The following MEGF6 variants were observed in gnomAD, a reference collection of about 807,000 sequenced individuals.
MEGF6 encodes multiple EGF like domains 6.
MEGF6 carries 184 observed loss-of-function variants against 207.1 expected under a neutral mutation model. The ratio of observed to expected loss-of-function variants is 0.89; its 90% confidence interval spans 0.79 to 1.00. The LOEUF (loss-of-function observed/expected upper bound fraction) is 1.00. Among genes scored for constraint, MEGF6 ranks in the 50% least tolerant of loss-of-function variants. The pLI is 0.00. For missense variants in MEGF6, 2,282 were observed against 2,202.9 expected, an observed-to-expected ratio of 1.04 and a Z score of -0.72; for synonymous variants, 1,038 against 910.0, an observed-to-expected ratio of 1.14 and a Z score of -2.53.
Position 3,540,062 on chromosome 1 carries a change from G to T in MEGF6, c.482-15816C>A, listed in dbSNP as rs1290838666. On this transcript the variant is annotated intron_variant, in intron 4 of 36. Coordinates refer to ENST00000356575, the MANE Select transcript of MEGF6 (RefSeq NM_001409.4). The stretch of plus-strand genomic sequence containing the variant: ...GGAGCACGGCCACAGATGCCTGCAG[G>T]CTGCCCAGCTCGGGGTGTCCTCCAG... Among the ~76,000 whole-genome samples the T allele has an allele frequency of 2.0e-5, 3 of 152,180 alleles. No homozygotes were observed. In the South Asian group the frequency reaches 6.2e-4, roughly 31 times the overall value.
chr1:3,563,826 C>T (rs72853585), intron 4 of MEGF6, among the ~76,000 whole-genome samples: 110 of 152,250 alleles, frequency 7.2e-4, no homozygotes, highest in African/African-American at 1.7e-3. Flanking sequence ...GTGTGGGAGG[C>T]GCAGGCCCTG....
At chr1:3,490,717 GCCCA>G in intron 36 of MEGF6, 128 bp from the exon 37 acceptor site, 1 of 1,140,846 alleles carries the variant, frequency 8.8e-7, no homozygotes, top group Non-Finnish European at 1.3e-6. Context: ...GGTGGGTGGG[GCCCA>G]CCCATCCTTC....
At chr1:3,572,423 AGGTGTGCTGGGTCCTCCTGGGTG>A (rs1643529063) in intron 4 of MEGF6, among the ~76,000 whole-genome samples, 2 of 57,404 alleles carry the variant, frequency 3.5e-5, no homozygotes, top group African/African-American at 1.9e-4. Flanking sequence ...GGGTTCTCTC[AGGTGTGCTGGGTCCTCCTGGGTG>A]TGCTGGGTCC....
At position 3,576,033 on chromosome 1, in the gene MEGF6, G is replaced by A. The variant is rs565475004; in HGVS notation, c.481+3792C>T. On this transcript the variant is annotated intron_variant, in intron 4 of 36. Transcript: ENST00000356575. Reference sequence around the variant, plus strand: ...AAGGGGGACTGGGGTCCAAGAGGTGGAGTAGGTTACCCCGGTCACACAGGC... The same window carrying A: ...AAGGGGGACTGGGGTCCAAGAGGTGAAGTAGGTTACCCCGGTCACACAGGC... Among the ~76,000 whole-genome samples the A allele has an allele frequency of 6.6e-5, 10 of 152,370 alleles. No homozygotes were observed. The East Asian group carries it at 7.7e-4, about 12-fold the overall frequency.
At chr1:3,586,618 C>G (rs1185673460) in intron 3 of MEGF6, among the ~76,000 whole-genome samples, 1 of 152,152 alleles carries the variant, frequency 6.6e-6, no homozygotes, top group Non-Finnish European at 1.5e-5. Flanking sequence ...AGCCCAGAGC[C>G]TGGGGGGCCA....
rs558586148 is a variant in MEGF6 at position 3,581,278 on chromosome 1, T to C, written c.377-1349A>G. On this transcript the variant is annotated intron_variant, in intron 3 of 36. Coordinates refer to ENST00000356575, the MANE Select transcript of MEGF6 (RefSeq NM_001409.4). ...GCTTCTTCCTCCCACCCTCCTGCAA[T>C]CACAGCCACTACCATTGCCCCAGGC... Among the ~76,000 whole-genome samples, 3 of 152,114 alleles carry C rather than the reference T, an allele frequency of 2.0e-5. No individual in the cohort carries two copies. The East Asian group carries it at 5.8e-4, about 30-fold the overall frequency.
At chr1:3,490,643 A>C in intron 36 of MEGF6, 54 bp from the exon 37 acceptor site, 1 of 1,585,226 alleles carries the variant, frequency 6.3e-7, no homozygotes, top group South Asian at 1.1e-5. Flanking sequence ...TGCTCCCAGA[A>C]CAGACTGGGT....
intron 2 of MEGF6, 62 bp from the exon 3 acceptor site, chr1:3,595,509 C>G (rs1644049592): frequency 2.2e-6 from 3 of 1,393,576 alleles, no homozygotes; most frequent in Non-Finnish European, 3.0e-6. Flanking sequence ...TCGGCTCTCA[C>G]TGCACCCCTG....
chr1:3,611,390 C>G lies in MEGF6; in HGVS notation c.-122G>C, dbSNP rs888132064. 8 of 1,278,972 alleles carry G rather than the reference C, an allele frequency of 6.3e-6. No homozygotes were observed. The highest frequency in any genetic ancestry group is 6.0e-6 in the Non-Finnish European group (6 of 999,430). The allele number at this position is 1,278,972 out of a possible 1,614,324, so 79.2% of individuals were successfully genotyped here. A position where few individuals can be genotyped will look rare whatever the true frequency, so the allele number is the denominator to read the frequency against. ...AGGTGCCCGCGCCCGCTCCGCGGAGCCCAAGGTCGCTGCAGGTGCGGAGCG... is the reference window on the plus strand; with the variant it reads ...AGGTGCCCGCGCCCGCTCCGCGGAGGCCAAGGTCGCTGCAGGTGCGGAGCG... On this transcript the variant is annotated 5_prime_UTR_variant, in exon 1 of 37. Transcript: ENST00000356575.
the MEGF6 span, among the ~76,000 whole-genome samples, chr1:3,618,745 C>G: frequency 6.6e-6 from 1 of 152,192 alleles, no homozygotes; most frequent in Non-Finnish European, 1.5e-5. This position sits in a 1 kb window ranked among gnomAD's most constrained non-coding sequence, Gnocchi z 4.7. Flanking sequence ...CGTACACAGC[C>G]CTGGGACCCG....
intron 4 of MEGF6, among the ~76,000 whole-genome samples, chr1:3,540,268 C>A (rs1642472691): frequency 6.6e-6 from 1 of 152,240 alleles, no homozygotes; most frequent in South Asian, 2.1e-4. Flanking sequence ...ACTCGCAGCG[C>A]CTCGGACGGA....
At position 3,488,975 on chromosome 1, in the gene MEGF6, A is replaced by G. The variant is rs1640246341; in HGVS notation, c.*1553T>C. ...CTCCCTTACCCATTTCCATTCATCT[A>G]TCTCTGTACGTTGTCTCTCTTTACG... On this transcript the variant is annotated 3_prime_UTR_variant, in exon 37 of 37. Coordinates refer to ENST00000356575, the MANE Select transcript of MEGF6 (RefSeq NM_001409.4). Among the ~76,000 whole-genome samples, 1 of 152,162 alleles carries G rather than the reference A, an allele frequency of 6.6e-6. No homozygotes were observed. Among genetic ancestry groups the G allele is most frequent in the Admixed American group, 6.5e-5 (1 of 15,282 alleles).
chr1:3,506,126 C>T lies in MEGF6; in HGVS notation c.1900G>A (p.Gly634Ser), dbSNP rs746964214. The T allele has an allele frequency of 5.0e-6, 8 of 1,596,014 alleles. No individual in the cohort carries two copies. The highest frequency in any genetic ancestry group is 2.7e-5 in the African/African-American group (2 of 74,818). ...GACTCACTGAGGTGGCAGAAGCGGC[C>T]GTAGAGCCCTGGGTCGCAGAGGCAG... ...GACLCDPGLY[G>S]RFCHLTCPPW... Residue 634 changes from glycine to serine, a missense_variant, in exon 15 of 37, where the codon GGC becomes AGC. Transcript: ENST00000356575.
intron 4 of MEGF6, among the ~76,000 whole-genome samples, chr1:3,548,106 G>T (rs1477546142): frequency 6.6e-6 from 1 of 152,210 alleles, no homozygotes; most frequent in Non-Finnish European, 1.5e-5. Flanking sequence ...CTGGAGGCAG[G>T]CTCAGAGCCA....
intron 3 of MEGF6, among the ~76,000 whole-genome samples, chr1:3,590,352 C>T (rs1643956182): frequency 6.6e-6 from 1 of 151,872 alleles, no homozygotes; most frequent in Non-Finnish European, 1.5e-5. Flanking sequence ...TGGCACCGGA[C>T]CAGGATAAAA....
At chr1:3,492,192 C>T (rs571623730) in intron 35 of MEGF6, among the ~76,000 whole-genome samples, 18 of 152,256 alleles carry the variant, frequency 1.2e-4, no homozygotes, top group Middle Eastern at 3.4e-3. Context: ...CCCTGCTGTA[C>T]GCACTGTTGC....
chr1:3,608,451 G>C (rs1187793755), intron 1 of MEGF6, among the ~76,000 whole-genome samples: 1 of 152,050 alleles, frequency 6.6e-6, no homozygotes, highest in Non-Finnish European at 1.5e-5. Context: ...CTCACGAATG[G>C]GGCCCTTGGA....
intron 1 of MEGF6, among the ~76,000 whole-genome samples, chr1:3,608,989 C>G (rs368919870): frequency 9.8e-5 from 15 of 152,358 alleles, no homozygotes; most frequent in African/African-American, 3.6e-4. Flanking sequence ...GCCCCGGCTT[C>G]TAGCATTAAC....
At chr1:3,528,372 C>A (rs772175552) in intron 4 of MEGF6, among the ~76,000 whole-genome samples, 3 of 152,348 alleles carry the variant, frequency 2.0e-5, no homozygotes, top group Middle Eastern at 3.4e-3. Context: ...AAGGACCCCG[C>A]AGGTGCTGAG....
Sources: gnomAD v4.1 joint callset for allele counts (sites outside exome capture counted in the v4.1 genomes callset) on GRCh38, gnomAD v4.1.1 for gene constraint, Gnocchi (gnomAD v3.1) non-coding constraint, MANE v1.5 for transcripts, NCBI Gene and HGNC (gene_info 2026-07-23, HGNC 2026-07-21) for gene names.